SLC7A7: variants seen among roughly 807,000 people sequenced by gnomAD.
SLC7A7 encodes the protein Y+L amino acid transporter 1.
A neutral mutation model predicts 47.9 loss-of-function variants in SLC7A7; 39 were observed. That is an observed-to-expected ratio of 0.81 (90% confidence interval 0.63 to 1.06). The LOEUF (loss-of-function observed/expected upper bound fraction) is 1.06, where lower values mean the gene tolerates loss of function less well. Among genes scored for constraint, SLC7A7 ranks in the 50% least tolerant of loss-of-function variants. SLC7A7 has a pLI of 0.00. For synonymous variants in SLC7A7, 234 were observed against 242.8 expected, an observed-to-expected ratio of 0.96 and a Z score of 0.34; for missense variants, 588 against 632.0, an observed-to-expected ratio of 0.93 and a Z score of 0.75.
At chr14:22,796,770 T>G (rs1483251590) in intron 2 of SLC7A7, among the ~76,000 whole-genome samples, 6 of 152,218 alleles carry the variant, frequency 3.9e-5, no homozygotes, top group Admixed American at 2.6e-4. Flanking sequence ...ACCTTGGCTC[T>G]GAGGAAAGGA....
intron 2 of SLC7A7, among the ~76,000 whole-genome samples, chr14:22,806,960 C>T (rs902708035): frequency 6.0e-5 from 9 of 148,818 alleles, no homozygotes; most frequent in South Asian, 2.1e-4. Flanking sequence ...TGCAGTGGCG[C>T]GATCTGGGCT....
At chr14:22,796,518 C>A (rs544544969) in intron 2 of SLC7A7, among the ~76,000 whole-genome samples, 1 of 152,378 alleles carries the variant, frequency 6.6e-6, no homozygotes, top group East Asian at 1.9e-4. Flanking sequence ...ATGCAATTCA[C>A]TGTGGCCACA....
In SLC7A7 at chr14:22,773,394, AG is replaced by A. The variant is rs2038512684; in HGVS notation, c.*215del. On this transcript the variant is annotated 3_prime_UTR_variant, in exon 10 of 10. Transcript: ENST00000674313. The stretch of plus-strand genomic sequence containing the variant: ...CCAAACCTGACATGCTCCTCCCCAC[AG>A]TCACCTTCATTGTCCCCTTTAAAAG... 1 of 642,830 alleles carries A rather than the reference AG, an allele frequency of 1.6e-6. No homozygotes were observed. The highest frequency in any genetic ancestry group is 1.5e-5 in the South Asian group (1 of 66,178). The allele number at this position is 642,830 out of a possible 1,614,324, so 39.8% of individuals were successfully genotyped here. A position where few individuals can be genotyped will look rare whatever the true frequency, so the allele number is the denominator to read the frequency against.
intron 2 of SLC7A7, among the ~76,000 whole-genome samples, chr14:22,802,614 A>G (rs1409451162): frequency 6.6e-6 from 1 of 151,970 alleles, no homozygotes; most frequent in Non-Finnish European, 1.5e-5. Context: ...TACCTTCTAA[A>G]TTGTGCTCAG....
chr14:22,795,449 ATTCTTTTCTTTTCTT>A (rs141036441), intron 2 of SLC7A7, among the ~76,000 whole-genome samples: 27,637 of 123,092 alleles, frequency 0.22, 4,616 homozygotes, highest in African/African-American at 0.35. Flanking sequence ...TTTCTTTTCT[ATTCTTTTCTTTTCTT>A]TTCTTTTCTT....
At chr14:22,817,133 T>TA (rs1566466847), upstream of SLC7A7, 706 of 117,736 alleles carry the variant, frequency 6.0e-3, 6 homozygotes, top group African/African-American at 0.022. Flanking sequence ...CCTTTTATTT[T>TA]TTTTTTTTTT....
chr14:22,812,975 A>G lies in SLC7A7; in HGVS notation c.424T>C (p.Tyr142His), dbSNP rs1566464055. The G allele has an allele frequency of 1.2e-6, 2 of 1,613,860 alleles. No homozygotes were observed. Among genetic ancestry groups the G allele is most frequent in the African/African-American group, 2.7e-5 (2 of 74,830 alleles). The change falls in exon 2 of 10, where the codon TAC (tyrosine) becomes CAC (histidine). Residue 142 changes from tyrosine (Y) to histidine (H), a missense_variant. By Grantham distance (83) the Tyr-to-His change is moderately conservative (BLOSUM62 2). Coordinates refer to ENST00000674313, the MANE Select transcript of SLC7A7 (RefSeq NM_003982.4). ...CTCGGGAAGAGAGGCTGTACCATGT[A>G]GTTGGCAAAGGTGATGGCAATGATG... ...QAIIAITFAN[Y>H]MVQPLFPSCF...
At chr14:22,805,833 C>T (rs2039192326) in intron 2 of SLC7A7, among the ~76,000 whole-genome samples, 1 of 152,108 alleles carries the variant, frequency 6.6e-6, no homozygotes, top group South Asian at 2.1e-4. Context: ...CCCATGTATG[C>T]TCATCAATAA....
chr14:22,808,020 G>T (rs1055813418), intron 2 of SLC7A7, among the ~76,000 whole-genome samples: 2 of 151,924 alleles, frequency 1.3e-5, no homozygotes, highest in Non-Finnish European at 2.9e-5. Flanking sequence ...AAATTAGCCG[G>T]GTGTGGTGGT....
intron 2 of SLC7A7, among the ~76,000 whole-genome samples, chr14:22,799,787 G>A (rs539234932): frequency 6.6e-6 from 1 of 152,150 alleles, no homozygotes; most frequent in African/African-American, 2.4e-5. Flanking sequence ...TATATACAAT[G>A]ATGACTCCCA....
intron 2 of SLC7A7, among the ~76,000 whole-genome samples, chr14:22,801,289 A>C (rs555406895): frequency 6.6e-6 from 1 of 152,106 alleles, no homozygotes; most frequent in South Asian, 2.1e-4. Flanking sequence ...TGAAAGGAGC[A>C]CTTCTGGCAT....
At chr14:22,780,617 G>C (rs941787228) in intron 2 of SLC7A7, 2 of 160,160 alleles carry the variant, frequency 1.2e-5, no homozygotes, top group African/African-American at 2.4e-5. Flanking sequence ...AAAGATTCTT[G>C]CAGCTAAGAG....
Position 22,773,722 on chromosome 14 carries a change from AAG to A in SLC7A7, c.1430-8_1430-7del, listed in dbSNP as rs771151725. The A allele has an allele frequency of 1.2e-6, 2 of 1,613,698 alleles. No homozygotes were observed. The highest frequency in any genetic ancestry group is 1.7e-6 in the Non-Finnish European group (2 of 1,179,764). On this transcript the variant is annotated splice_region_variant and splice_polypyrimidine_tract_variant and intron_variant, in intron 9 of 9. Coordinates refer to ENST00000674313, the MANE Select transcript of SLC7A7 (RefSeq NM_003982.4). ...GAGGTACCTTGTGGCAGACCCTACA[AAG>A]AGAACTTTGAGTTGGAATTGAGAAG...
At chr14:22,778,032 G>T (rs1046495654) in intron 4 of SLC7A7, among the ~76,000 whole-genome samples, 1 of 152,104 alleles carries the variant, frequency 6.6e-6, no homozygotes, top group South Asian at 2.1e-4. Flanking sequence ...CCAAGATCAC[G>T]CCATTGCACT....
In SLC7A7 at chr14:22,812,910, A is replaced by G. The variant is rs762542858; in HGVS notation, c.489T>C (p.Ala163=). Residue 163 remains alanine (A), a synonymous_variant, in exon 2 of 10, where the codon GCT becomes GCC. Coordinates refer to ENST00000674313, the MANE Select transcript of SLC7A7 (RefSeq NM_003982.4). The part of the protein sequence containing the change: ...APYAASRLLA[A]ACICLLTFIN... ...CCCAGCCCCACTTACAAATGCAGGC[A>G]GCAGCCAGCAGGCGGCTGGCAGCAT... 2 of 1,613,366 alleles carry G rather than the reference A, an allele frequency of 1.2e-6. No individual in the cohort carries two copies.
intron 2 of SLC7A7, among the ~76,000 whole-genome samples, chr14:22,811,465 A>G (rs1333077307): frequency 6.6e-6 from 1 of 152,200 alleles, no homozygotes; most frequent in African/African-American, 2.4e-5. Flanking sequence ...CAGCACCTCC[A>G]ATGGCTTTAC....
intron 7 of SLC7A7, 148 bp from the exon 8 acceptor site, chr14:22,774,651 T>TG (rs1316216468): frequency 2.0e-6 from 2 of 982,072 alleles, no homozygotes; most frequent in Non-Finnish European, 3.2e-6. Flanking sequence ...ACACCCTAGT[T>TG]TCAGTACCTT....
intron 2 of SLC7A7, among the ~76,000 whole-genome samples, chr14:22,811,228 G>A (rs995280195): frequency 6.6e-6 from 1 of 152,180 alleles, no homozygotes; most frequent in African/African-American, 2.4e-5. Context: ...AAGAAAAAAG[G>A]ACACAAACTG....
chr14:22,812,870 C>A, intron 2 of SLC7A7, 30 bp downstream of exon 2: 2 of 1,608,994 alleles, frequency 1.2e-6, no homozygotes, highest in Non-Finnish European at 1.7e-6. Flanking sequence ...CAGCCCTCCA[C>A]CCACCACCTC....
Sources: gnomAD v4.1 joint callset for allele counts (sites outside exome capture counted in the v4.1 genomes callset) on GRCh38, gnomAD v4.1.1 for gene constraint, MANE v1.5 for transcripts, NCBI Gene and HGNC (gene_info 2026-07-23, HGNC 2026-07-21) for gene names.